ZNF497: variants seen among roughly 807,000 people sequenced by gnomAD.
ZNF497 encodes the protein zinc finger-like protein.
For missense variants in ZNF497, 930 were observed against 714.0 expected, an observed-to-expected ratio of 1.30 and a Z score of -3.45; for synonymous variants, 422 against 313.7, an observed-to-expected ratio of 1.35 and a Z score of -3.65.
chr19:58,360,381 T>C (rs2052078139), intron 1 of ZNF497, among the ~76,000 whole-genome samples: 1 of 152,114 alleles, frequency 6.6e-6, no homozygotes, highest in Admixed American at 6.6e-5. Context: ...TCTTTTTTTT[T>C]TTCTTTTGAC....
chr19:58,359,599 C>G (rs2052068947), intron 1 of ZNF497: 1 of 388,026 alleles, frequency 2.6e-6, no homozygotes, highest in African/African-American at 2.1e-5. Flanking sequence ...CACAGAACAA[C>G]TAAGACAGAG....
chr19:58,356,149 G>C lies in ZNF497; in HGVS notation c.1487C>G (p.Ala496Gly), dbSNP rs36060121. 11 of 1,559,666 alleles carry C rather than the reference G, an allele frequency of 7.1e-6. No homozygotes were observed. The Middle Eastern group carries it at 6.0e-4, about 85-fold the overall frequency. The change falls in exon 3 of 3, where the codon GCT becomes GGT. Residue 496 changes from alanine to glycine, a missense_variant. Ala to Gly is a moderately conservative substitution (Grantham distance 60). Coordinates refer to ENST00000311044, the MANE Select transcript of ZNF497 (RefSeq NM_198458.3). ...NEHQKRHGGR[A>G]AP ...CAGGGCGTCCTCGGGTCAGGGCGCA[G>C]CGCGGCCCCCGTGCCGCTTCTGGTG...
Position 58,358,471 on chromosome 19 carries a change from G to A in ZNF497, c.-15+18C>T. 1 of 1,085,472 alleles carries A rather than the reference G, an allele frequency of 9.2e-7. No homozygotes were observed. The highest frequency in any genetic ancestry group is 1.1e-6 in the Non-Finnish European group (1 of 888,226). 67.2% of individuals were successfully genotyped at this position (1,085,472 alleles called of 1,614,324 possible). On this transcript the variant is annotated intron_variant, in intron 2 of 2. Coordinates refer to ENST00000311044, the MANE Select transcript of ZNF497 (RefSeq NM_198458.3). ...CTGCCAAGGCAGGGCAGGGACAAGT[G>A]TGTAGATGGTGCCATACCTGGAGGT...
At chr19:58,359,010 G>A (rs774221750) in intron 1 of ZNF497, 1 of 490,900 alleles carries the variant, frequency 2.0e-6, no homozygotes, top group South Asian at 1.5e-5. Flanking sequence ...ATCTCTGGGA[G>A]CAGTGTGCCC....
intron 1 of ZNF497, among the ~76,000 whole-genome samples, chr19:58,361,748 CTCAAA>C (rs1397316008): frequency 6.6e-6 from 1 of 152,166 alleles, no homozygotes; most frequent in East Asian, 1.9e-4. Context: ...TTATAATTAC[CTCAAA>C]TCAAAAGTTA....
In ZNF497 at chr19:58,357,146, A is replaced by G. The variant is rs1334394473; in HGVS notation, c.490T>C (p.Cys164Arg). ...RIHSGEKPYA[C>R]RECGKAFRAH... is the part of the protein sequence containing the mutation. ...CGGAAGGCCTTGCCGCACTCCCTGC[A>G]AGCGTAGGGCTTCTCGCCGCTGTGG... Residue 164 changes from cysteine (C) to arginine (R), a missense_variant, in exon 3 of 3, where the codon TGC (cysteine) becomes CGC (arginine). Coordinates refer to ENST00000311044, the MANE Select transcript of ZNF497 (RefSeq NM_198458.3). 1 of 1,602,840 alleles carries G rather than the reference A, an allele frequency of 6.2e-7. No homozygotes were observed. Among genetic ancestry groups the G allele is most frequent in the Admixed American group, 1.7e-5 (1 of 59,358 alleles).
In ZNF497 at chr19:58,355,999, C is replaced by T. The variant is rs553464636; in HGVS notation, c.*140G>A. On this transcript the variant is annotated 3_prime_UTR_variant, in exon 3 of 3. Coordinates refer to ENST00000311044, the MANE Select transcript of ZNF497 (RefSeq NM_198458.3). Reference sequence around the variant, plus strand: ...GACTGTGCAGCCAGGGTTCTCCACACCCAAGGCCGCCCCTGCACTCCCAGC... The same window carrying T: ...GACTGTGCAGCCAGGGTTCTCCACATCCAAGGCCGCCCCTGCACTCCCAGC... The T allele has an allele frequency of 2.9e-5, 29 of 1,001,516 alleles. No individual in the cohort carries two copies. The South Asian group carries it at 4.4e-4, about 15-fold the overall frequency. 62.0% of individuals were successfully genotyped at this position (1,001,516 alleles called of 1,614,324 possible).
intron 1 of ZNF497, among the ~76,000 whole-genome samples, chr19:58,361,381 G>A (rs1243803904): frequency 1.3e-5 from 2 of 151,608 alleles, no homozygotes; most frequent in Non-Finnish European, 2.9e-5. Context: ...TTTTGAGACA[G>A]AGTCTCGCTC....
At chr19:58,359,790 T>C (rs1311110969) in intron 1 of ZNF497, among the ~76,000 whole-genome samples, 5 of 152,194 alleles carry the variant, frequency 3.3e-5, no homozygotes, top group South Asian at 4.2e-4. Flanking sequence ...CTGGCCAACA[T>C]GGTGAAACCC....
Position 58,356,982 on chromosome 19 carries a change from G to A in ZNF497, c.654C>T (p.Tyr218=), listed in dbSNP as rs750150357. 5.6e-6 allele frequency: 9 copies of A among 1,608,462 alleles called. No homozygotes were observed. Among genetic ancestry groups the A allele is most frequent in the Non-Finnish European group, 5.9e-6 (7 of 1,178,798 alleles). ...AGGCCTTGCCGCACTCCGGGCACTC[G>A]TAGGGCTTCTCGCCCGTGTGCGTGC... ...HRRTHTGEKP[Y]ECPECGKAFS... is the part of the protein sequence containing the mutation. Residue 218 remains tyrosine (Y), a synonymous_variant, in exon 3 of 3, where the codon TAC becomes TAT. Coordinates refer to ENST00000311044, the MANE Select transcript of ZNF497 (RefSeq NM_198458.3).
In ZNF497 at chr19:58,357,180, G is replaced by C; in HGVS notation, c.456C>G (p.His152Gln). 1 of 1,613,272 alleles carries C rather than the reference G, an allele frequency of 6.2e-7. No homozygotes were observed. The highest frequency in any genetic ancestry group is 8.5e-7 in the Non-Finnish European group (1 of 1,179,838). Reference sequence around the variant, plus strand: ...GCTTCTCGCCGCTGTGGATGCGCTGGTGCTGGCTGAGGTTGGAGCTCCAGG... The same window carrying C: ...GCTTCTCGCCGCTGTGGATGCGCTGCTGCTGGCTGAGGTTGGAGCTCCAGG... ...AFAWSSNLSQ[H>Q]QRIHSGEKPY... The change falls in exon 3 of 3, where the codon CAC becomes CAG. Residue 152 changes from histidine (H) to glutamine (Q), a missense_variant. His to Gln is a conservative substitution (Grantham distance 24). Coordinates refer to ENST00000311044, the MANE Select transcript of ZNF497 (RefSeq NM_198458.3).
rs2052018606 is a variant in ZNF497 at position 58,356,335 on chromosome 19, C to G, written c.1301G>C (p.Arg434Pro). The G allele has an allele frequency of 6.4e-7, 1 of 1,572,490 alleles. No individual in the cohort carries two copies. The highest frequency in any genetic ancestry group is 8.6e-7 in the Non-Finnish European group (1 of 1,161,440). ...RGSSELRQHQ[R>P]LHSGERPFVC... ...GAACGGCCTCTCGCCAGAGTGCAGGCGCTGGTGCTGGCGCAGCTCGGAGCT... is the reference window on the plus strand; with the variant it reads ...GAACGGCCTCTCGCCAGAGTGCAGGGGCTGGTGCTGGCGCAGCTCGGAGCT... The change falls in exon 3 of 3, where the codon CGC (arginine) becomes CCC (proline). Residue 434 changes from arginine (R) to proline (P), a missense_variant. Physicochemically the swap from Arg to Pro is moderately radical, Grantham distance 103. Coordinates refer to ENST00000311044, the MANE Select transcript of ZNF497 (RefSeq NM_198458.3).
At chr19:58,358,688 A>G (rs1359048613) in intron 1 of ZNF497, 103 bp from the exon 2 acceptor site, 2 of 516,126 alleles carry the variant, frequency 3.9e-6, no homozygotes, top group East Asian at 7.0e-5. Context: ...CTGCACCTTC[A>G]GTTCTCAGGA....
rs551448796 is a variant in ZNF497, at chr19:58,359,601, AAGAC to A, written c.-111-1020_-111-1017del. Reference sequence around the variant, plus strand: ...CCTTCATCCCACACACAGAACAACTAAGACAGAGACTGTGAACAGGACACCCAGA... The same window carrying A: ...CCTTCATCCCACACACAGAACAACTAAGAGACTGTGAACAGGACACCCAGA... On this transcript the variant is annotated intron_variant, in intron 1 of 2. Transcript: ENST00000311044. 264 of 386,824 alleles carry A rather than the reference AAGAC, an allele frequency of 6.8e-4. 2 individuals carry two copies. Among genetic ancestry groups the A allele is most frequent in the African/African-American group, 4.5e-3 (219 of 48,294 alleles). The allele number at this position is 386,824 out of a possible 1,614,324, so 24.0% of individuals were successfully genotyped here. A position where few individuals can be genotyped will look rare whatever the true frequency, so the allele number is the denominator to read the frequency against.
At chr19:58,358,190 A>C (rs1446646160) in intron 2 of ZNF497, 2 of 1,289,948 alleles carry the variant, frequency 1.6e-6, no homozygotes, top group Non-Finnish European at 2.0e-6. Flanking sequence ...AGGCTGGAGG[A>C]TCTCAGTGGC....
At chr19:58,361,711 A>G (rs1291816481) in intron 1 of ZNF497, among the ~76,000 whole-genome samples, 3 of 152,212 alleles carry the variant, frequency 2.0e-5, no homozygotes, top group Admixed American at 2.0e-4. Flanking sequence ...TACATAGGGT[A>G]TGCATTACTT....
In ZNF497 at chr19:58,357,659, GAGAGAAAAGGCAAGTACCTT is replaced by G; in HGVS notation, c.-14-30_-14-11del. The G allele has an allele frequency of 6.6e-7, 1 of 1,513,268 alleles. No individual in the cohort carries two copies. Among genetic ancestry groups the G allele is most frequent in the Non-Finnish European group, 8.8e-7 (1 of 1,132,532 alleles). The allele number at this position is 1,513,268 out of a possible 1,614,324, so 93.7% of individuals were successfully genotyped here. A position where few individuals can be genotyped will look rare whatever the true frequency, so the allele number is the denominator to read the frequency against. ...ATCTCGCGCCTGTGACCTAAAACAG[GAGAGAAAAGGCAAGTACCTT>G]AGAGAATACAAAGAACACCAGACAG... On this transcript the variant is annotated splice_polypyrimidine_tract_variant and intron_variant, in intron 2 of 2. Coordinates refer to ENST00000311044, the MANE Select transcript of ZNF497 (RefSeq NM_198458.3).
Position 58,360,767 on chromosome 19 carries a change from CTTTTTTTTTTTTTTTTTTT to C in ZNF497, c.-112+1891_-112+1909del, listed in dbSNP as rs551580074. The stretch of plus-strand genomic sequence containing the variant: ...ATGTTGGCCAGGCTGGTCCCGAACT[CTTTTTTTTTTTTTTTTTTT>C]TTTTTTTTTTTTTTGAGAAGAGTCT... On this transcript the variant is annotated intron_variant, in intron 1 of 2. Transcript: ENST00000311044. 3.5e-4 allele frequency among the ~76,000 whole-genome samples: 12 copies of C among 34,530 alleles called. 1 individual carries two copies. The highest frequency in any genetic ancestry group is 0.04 in the Middle Eastern group (2 of 50). The allele number at this position is 34,530 out of a possible 152,430, so 22.7% of individuals were successfully genotyped here.
At chr19:58,358,135 C>T (rs1462277236) in intron 2 of ZNF497, 6 of 1,272,396 alleles carry the variant, frequency 4.7e-6, no homozygotes, top group African/African-American at 1.6e-5. Flanking sequence ...CCACCCTGGC[C>T]GGATCCCTGG....
Sources: allele counts gnomAD v4.1 joint callset (sites outside exome capture counted in the v4.1 genomes callset), GRCh38; gene constraint gnomAD v4.1.1; transcripts MANE v1.5; gene names NCBI Gene and HGNC (gene_info 2026-07-23, HGNC 2026-07-21).